Variants in OR1I1 observed in about 807,000 individuals in gnomAD.
OR1I1 encodes olfactory receptor 1I1.
For missense variants in OR1I1, 451 were observed against 443.6 expected (o/e 1.02, Z -0.15); for synonymous variants, 171 against 181.4 (o/e 0.94, Z 0.46).
In OR1I1 at chr19:15,091,317, A is replaced by G. The variant is rs8104171; in HGVS notation, c.*3184A>G. Reference sequence around the variant, plus strand: ...GAGGCGGGCAGATCACAAGGTCAGTAGATCGAGACCATCCTGACCAACATG... The same window carrying G: ...GAGGCGGGCAGATCACAAGGTCAGTGGATCGAGACCATCCTGACCAACATG... On this transcript the variant is annotated 3_prime_UTR_variant, in exon 2 of 2. Transcript: ENST00000641398. 9,664 of 152,188 alleles carry G rather than the reference A, an allele frequency of 0.064. 352 individuals are homozygous for G. The highest frequency in any genetic ancestry group is 0.11 in the East Asian group (548 of 5,142). The allele number at this position is 152,188 out of a possible 1,614,324, so 9.4% of individuals were successfully genotyped here. A position where few individuals can be genotyped will look rare whatever the true frequency, so the allele number is the denominator to read the frequency against.
chr19:15,089,690 A>G lies in OR1I1; in HGVS notation c.*1557A>G, dbSNP rs2046249171. 1.3e-5 allele frequency: 2 copies of G among 152,022 alleles called. No homozygotes were observed. The highest frequency in any genetic ancestry group is 1.9e-4 in the East Asian group (1 of 5,172). 9.4% of individuals were successfully genotyped at this position (152,022 alleles called of 1,614,324 possible). A position where few individuals can be genotyped will look rare whatever the true frequency, so the allele number is the denominator to read the frequency against. On this transcript the variant is annotated 3_prime_UTR_variant, in exon 2 of 2. Coordinates refer to ENST00000641398, the MANE Select transcript of OR1I1 (RefSeq NM_001004713.2). Reference sequence around the variant, plus strand: ...AATAAAAATGAAAAAAGAAAAAATTACCTGGGTGTGGTGGTGTGCACCTGT... The same window carrying G: ...AATAAAAATGAAAAAAGAAAAAATTGCCTGGGTGTGGTGGTGTGCACCTGT...
intron 1 of OR1I1, among the ~76,000 whole-genome samples, chr19:15,086,403 A>G (rs2046230257): frequency 6.6e-6 from 1 of 152,070 alleles, no homozygotes. Flanking sequence ...CCTTTACTGT[A>G]TAGAGTTTTT....
chr19:15,083,214 T>C (rs1164356295), intron 1 of OR1I1, among the ~76,000 whole-genome samples: 1 of 152,042 alleles, frequency 6.6e-6, no homozygotes, highest in South Asian at 2.1e-4. Context: ...TAGCTGGGAC[T>C]ATGGAAGCAT....
chr19:15,084,472 C>T (rs572463584), intron 1 of OR1I1, among the ~76,000 whole-genome samples: 1 of 152,248 alleles, frequency 6.6e-6, no homozygotes, highest in African/African-American at 2.4e-5. Flanking sequence ...GCAGGAGAAT[C>T]TTTTGAACCC....
chr19:15,086,760 A>G (rs940686864), intron 1 of OR1I1, among the ~76,000 whole-genome samples: 4 of 152,036 alleles, frequency 2.6e-5, no homozygotes, highest in Admixed American at 1.3e-4. Flanking sequence ...TTTGTTTTCT[A>G]TGAAGCTTTG....
rs1474687334 is a variant in OR1I1 at position 15,087,912 on chromosome 19, C to T, written c.847C>T (p.Pro283Ser). 6.2e-7 allele frequency: 1 copy of T among 1,614,134 alleles called. No homozygotes were observed. Among genetic ancestry groups the T allele is most frequent in the Non-Finnish European group, 8.5e-7 (1 of 1,179,982 alleles). Residue 283 changes from proline to serine, a missense_variant, in exon 2 of 2, where the codon CCC becomes TCC. Transcript: ENST00000641398. ...CGCCCTAATGTGTGGGGTGTTCATC[C>T]CCATGCTCAACCCCTTTATCTACAG... ...AAALMCGVFI[P>S]MLNPFIYSIR...
Position 15,085,155 on chromosome 19 carries a change from TATATATATATATATATA to T in OR1I1, c.-13-1897_-13-1881del, listed in dbSNP as rs1295426559. Among the ~76,000 whole-genome samples the T allele has an allele frequency of 4.4e-4, 20 of 45,442 alleles. 1 individual carries two copies. The highest frequency in any genetic ancestry group is 1.3e-3 in the African/African-American group (11 of 8,712). The allele number at this position is 45,442 out of a possible 152,430, so 29.8% of individuals were successfully genotyped here. On this transcript the variant is annotated intron_variant, in intron 1 of 1. Transcript: ENST00000641398. ...TTATATATATATATATATATATATA[TATATATATATATATATA>T]TATATTTTTTTTTTTGAGACAGAGT...
intron 1 of OR1I1, among the ~76,000 whole-genome samples, 191 bp downstream of exon 1, chr19:15,082,467 A>G (rs1470652751): frequency 1.3e-5 from 2 of 151,196 alleles, no homozygotes; most frequent in Admixed American, 6.6e-5. Context: ...TCTCCTTCCT[A>G]GAGGCCGAGA....
chr19:15,088,208 G>T lies in OR1I1; in HGVS notation c.*75G>T. ...GTATGAGCACCCAAAGGAAAGGTGT[G>T]CATTTTCCCCAGGATTTATCTTCCC... is the stretch of plus-strand genomic sequence containing the variant. On this transcript the variant is annotated 3_prime_UTR_variant, in exon 2 of 2. Transcript: ENST00000641398. 1 of 1,460,142 alleles carries T rather than the reference G, an allele frequency of 6.8e-7. No individual in the cohort carries two copies. The highest frequency in any genetic ancestry group is 1.4e-5 in the African/African-American group (1 of 70,770). The allele number at this position is 1,460,142 out of a possible 1,614,324, so 90.4% of individuals were successfully genotyped here.
intron 1 of OR1I1, among the ~76,000 whole-genome samples, chr19:15,084,277 T>C (rs554538282): frequency 6.6e-6 from 1 of 152,300 alleles, no homozygotes; most frequent in South Asian, 2.1e-4. Context: ...AACTGGCTCC[T>C]GGCTGGCTGC....
At position 15,088,390 on chromosome 19, in the gene OR1I1, C is replaced by G; in HGVS notation, c.*257C>G. The G allele has an allele frequency of 2.5e-6, 1 of 406,782 alleles. No individual in the cohort carries two copies. Among genetic ancestry groups the G allele is most frequent in the South Asian group, 3.0e-5 (1 of 32,932 alleles). 25.2% of individuals were successfully genotyped at this position (406,782 alleles called of 1,614,324 possible). On this transcript the variant is annotated 3_prime_UTR_variant, in exon 2 of 2. Coordinates refer to ENST00000641398, the MANE Select transcript of OR1I1 (RefSeq NM_001004713.2). Reference sequence around the variant, plus strand: ...CAAAGGCCAGGTGTGGAAGCTCAAGCCTGTGATCCCAGCATTTTGGGAGGC... The same window carrying G: ...CAAAGGCCAGGTGTGGAAGCTCAAGGCTGTGATCCCAGCATTTTGGGAGGC...
Position 15,087,458 on chromosome 19 carries a change from T to C in OR1I1, c.393T>C (p.Arg131=). 6.2e-7 allele frequency: 1 copy of C among 1,614,102 alleles called. No individual in the cohort carries two copies. The highest frequency in any genetic ancestry group is 1.1e-5 in the South Asian group (1 of 91,084). ...TCGTGGCCATTGTCCACCCACAGCG[T>C]TACTTGGTTCTCATGTGCTCCCCTG... ...DRFVAIVHPQ[R]YLVLMCSPVC... The change falls in exon 2 of 2, where the codon CGT becomes CGC. Residue 131 remains arginine, a synonymous_variant. Transcript: ENST00000641398.
intron 1 of OR1I1, among the ~76,000 whole-genome samples, chr19:15,082,528 C>T (rs148567997): frequency 1.2e-4 from 19 of 152,160 alleles, no homozygotes; most frequent in East Asian, 1.9e-4. Context: ...GGACAAAGCA[C>T]GCAGACGGCA....
rs530310197 is a variant in OR1I1 at position 15,092,596 on chromosome 19, G to C, written c.*4463G>C. The C allele has an allele frequency of 4.7e-4, 71 of 152,252 alleles. No individual in the cohort carries two copies. Among genetic ancestry groups the C allele is most frequent in the African/African-American group, 1.7e-3 (69 of 41,542 alleles). 9.4% of individuals were successfully genotyped at this position (152,252 alleles called of 1,614,324 possible). A position where few individuals can be genotyped will look rare whatever the true frequency, so the allele number is the denominator to read the frequency against. ...GACATCAACGAATGGGCTTGGCTGT[G>C]TTCCACTAAAACTTTGTTTATAAAC... On this transcript the variant is annotated 3_prime_UTR_variant, in exon 2 of 2. Coordinates refer to ENST00000641398, the MANE Select transcript of OR1I1 (RefSeq NM_001004713.2).
rs2046241953 is a variant in OR1I1 at position 15,088,699 on chromosome 19, GAT to G, written c.*568_*569del. On this transcript the variant is annotated 3_prime_UTR_variant, in exon 2 of 2. Transcript: ENST00000641398. ...AGATAGATAGATAGATAGATAGATA[GAT>G]AGATAGATAGACAGACAGATAGATA... The G allele has an allele frequency of 1.4e-5, 1 of 69,830 alleles. No individual in the cohort carries two copies. The highest frequency in any genetic ancestry group is 6.8e-4 in the South Asian group (1 of 1,466). The allele number at this position is 69,830 out of a possible 1,614,324, so 4.3% of individuals were successfully genotyped here.
chr19:15,087,341 C>T lies in OR1I1; in HGVS notation c.276C>T (p.Ile92=), dbSNP rs976642433. ...LANIQAQSRA[I]PFVGCLTQMY... ...ACATCCAGGCTCAGAGCAGAGCCAT[C>T]CCCTTTGTGGGCTGCCTCACCCAGA... Residue 92 remains isoleucine (I), a synonymous_variant, in exon 2 of 2, where the codon ATC becomes ATT. Transcript: ENST00000641398. 7 of 1,614,100 alleles carry T rather than the reference C, an allele frequency of 4.3e-6. No homozygotes were observed. In the African/African-American group the frequency reaches 6.7e-5, roughly 15 times the overall value.
rs530455790 is a variant in OR1I1 at position 15,087,198 on chromosome 19, A to C, written c.133A>C (p.Ile45Leu). 6.2e-7 allele frequency: 1 copy of C among 1,613,980 alleles called. No individual in the cohort carries two copies. The highest frequency in any genetic ancestry group is 1.7e-5 in the Admixed American group (1 of 59,982). Residue 45 changes from isoleucine to leucine, a missense_variant, in exon 2 of 2, where the codon ATT becomes CTT. Ile to Leu is a conservative substitution (Grantham distance 5). Transcript: ENST00000641398. Reference sequence around the variant, plus strand: ...GGTCACCATCATTGGAAATGCCCTCATTATCCTGGCCATCATCACGGACTC... The same window carrying C: ...GGTCACCATCATTGGAAATGCCCTCCTTATCCTGGCCATCATCACGGACTC... ...YLVTIIGNAL[I>L]ILAIITDSHL... is the part of the protein sequence containing the mutation.
Position 15,091,008 on chromosome 19 carries a change from C to A in OR1I1, c.*2875C>A, listed in dbSNP as rs2046254301. ...TACATCCTCTCAAGTTTACAATTGA[C>A]CATGTGTTCTGGCCAAGGGACCCTG... On this transcript the variant is annotated 3_prime_UTR_variant, in exon 2 of 2. Transcript: ENST00000641398. 1 of 152,188 alleles carries A rather than the reference C, an allele frequency of 6.6e-6. No homozygotes were observed. The highest frequency in any genetic ancestry group is 1.5e-5 in the Non-Finnish European group (1 of 68,048). The allele number at this position is 152,188 out of a possible 1,614,324, so 9.4% of individuals were successfully genotyped here.
In OR1I1 at chr19:15,087,839, G is replaced by C; in HGVS notation, c.774G>C (p.Val258=). 3 of 1,614,200 alleles carry C rather than the reference G, an allele frequency of 1.9e-6. No individual in the cohort carries two copies. In the Admixed American group the frequency reaches 5.0e-5, roughly 27 times the overall value. ...TGTCCTATGGGACCATCTTTGCTGT[G>C]TACTTACAGCCCACATCCCCCAGCT... ...VSLSYGTIFA[V]YLQPTSPSSS... The change falls in exon 2 of 2, where the codon GTG becomes GTC. Residue 258 remains valine (V), a synonymous_variant. Coordinates refer to ENST00000641398, the MANE Select transcript of OR1I1 (RefSeq NM_001004713.2).
Sources: gnomAD v4.1 joint callset for allele counts (sites outside exome capture counted in the v4.1 genomes callset) on GRCh38, gnomAD v4.1.1 for gene constraint, MANE v1.5 for transcripts, NCBI Gene and HGNC (gene_info 2026-07-23, HGNC 2026-07-21) for gene names.